The following LTF variants were observed in gnomAD, a reference collection of about 807,000 sequenced individuals.
LTF encodes lactotransferrin, also known as epididymis luminal protein 110.
Under a neutral mutation model 87.2 loss-of-function variants are expected in LTF, and 91 were observed. That is an observed-to-expected ratio of 1.04 (90% confidence interval 0.88 to 1.24). The LOEUF (loss-of-function observed/expected upper bound fraction) is 1.24. LTF is among the 50% of genes most tolerant of loss of function. The probability of loss-of-function intolerance (pLI) is 0.00; values close to 1 mark genes in which losing one functional copy is unlikely to be tolerated. For synonymous variants in LTF, 378 were observed against 356.1 expected, an observed-to-expected ratio of 1.06 and a Z score of -0.69; for missense variants, 901 against 904.3, an observed-to-expected ratio of 1.00 and a Z score of 0.05.
chr3:46,456,686 C>T (rs1346579996), intron 2 of LTF, among the ~76,000 whole-genome samples: 1 of 152,140 alleles, frequency 6.6e-6, no homozygotes, highest in Non-Finnish European at 1.5e-5. Flanking sequence ...TATTTGAAGT[C>T]GTTTGTTCTA....
intron 8 of LTF, among the ~76,000 whole-genome samples, chr3:46,449,285 C>T (rs1175493631): frequency 6.6e-6 from 1 of 152,196 alleles, no homozygotes; most frequent in South Asian, 2.1e-4. Context: ...AGTCAGGAGG[C>T]GCCTATTGTC....
intron 3 of LTF, 137 bp downstream of exon 3, chr3:46,456,153 A>G (rs930323754): frequency 4.3e-6 from 4 of 922,872 alleles, no homozygotes; most frequent in Non-Finnish European, 6.5e-6. Context: ...CATCTGGCCC[A>G]GAGCCCAGCG....
chr3:46,471,080 A>G (rs774792767), intron 1 of LTF, among the ~76,000 whole-genome samples: 21 of 152,116 alleles, frequency 1.4e-4, no homozygotes, highest in Non-Finnish European at 2.8e-4. Context: ...TCGCCATCCT[A>G]CTTGCAGACA....
At chr3:46,449,581 C>A (rs1702745631) in intron 8 of LTF, among the ~76,000 whole-genome samples, 1 of 152,208 alleles carries the variant, frequency 6.6e-6, no homozygotes, top group South Asian at 2.1e-4. Context: ...GGGGTCCTGG[C>A]TATCTTTGTT....
At chr3:46,481,487 T>G (rs1241542748) in intron 1 of LTF, among the ~76,000 whole-genome samples, 1 of 152,148 alleles carries the variant, frequency 6.6e-6, no homozygotes. Flanking sequence ...TACCCTTTAC[T>G]CTCCAGAGCC....
chr3:46,484,229 A>G (rs565772552), intron 1 of LTF, among the ~76,000 whole-genome samples: 2 of 152,364 alleles, frequency 1.3e-5, no homozygotes, highest in South Asian at 4.1e-4. Context: ...ATAGTGGCAT[A>G]GGTGTTTGAG....
chr3:46,482,898 AAAAG>A (rs1393274910), intron 1 of LTF, among the ~76,000 whole-genome samples: 3 of 152,158 alleles, frequency 2.0e-5, no homozygotes, highest in Admixed American at 6.5e-5. Context: ...AGAAGAAAGA[AAAAG>A]AAAGAAAGAA....
chr3:46,473,949 T>A (rs984912832), intron 1 of LTF, among the ~76,000 whole-genome samples: 1 of 152,204 alleles, frequency 6.6e-6, no homozygotes, highest in Non-Finnish European at 1.5e-5. Context: ...AACCACTACG[T>A]AACCTATACA....
At chr3:46,447,533 G>C (rs979346085) in intron 9 of LTF, 135 bp from the exon 10 acceptor site, 3 of 683,190 alleles carry the variant, frequency 4.4e-6, no homozygotes, top group Non-Finnish European at 7.9e-6. Context: ...TATTCAAACT[G>C]AGCAGCCAGA....
At chr3:46,464,986 C>A, upstream of LTF, 1 of 968,138 alleles carries the variant, frequency 1.0e-6, no homozygotes. Flanking sequence ...TCCCTCCCCA[C>A]TCCCCGCGGC....
chr3:46,464,709 C>CGCGGG, intron 1 of LTF, 116 bp downstream of exon 1: 1 of 1,145,916 alleles, frequency 8.7e-7, no homozygotes, highest in Non-Finnish European at 1.3e-6. Context: ...GCGCTGGGAC[C>CGCGGG]GCGGGGCGCA....
rs1024517457 is a variant in LTF, at chr3:46,450,103, T to C, written c.883-75A>G. 4.1e-6 allele frequency: 5 copies of C among 1,215,054 alleles called. No homozygotes were observed. The African/African-American group carries it at 7.6e-5, about 19-fold the overall frequency. 75.3% of individuals were successfully genotyped at this position (1,215,054 alleles called of 1,614,324 possible). ...ACAAAAAAATGATGTTAAAAAAGAG[T>C]ATCTGGAGCTTTGGGATCATTCTAA... is the stretch of plus-strand genomic sequence containing the variant. On this transcript the variant is annotated intron_variant, in intron 7 of 16. Transcript: ENST00000231751.
intron 2 of LTF, among the ~76,000 whole-genome samples, chr3:46,458,389 G>C (rs771879135): frequency 8.5e-5 from 13 of 152,178 alleles, no homozygotes; most frequent in Admixed American, 8.5e-4. Flanking sequence ...ATTTCAAACA[G>C]GGATCTTATT....
chr3:46,466,125 A>C (rs1013652671), upstream of LTF, among the ~76,000 whole-genome samples: 3 of 152,110 alleles, frequency 2.0e-5, no homozygotes, highest in African/African-American at 7.2e-5. Flanking sequence ...CTATGGTCCC[A>C]GCTACTTGGG....
chr3:46,450,754 A>G lies in LTF; in HGVS notation c.704-81T>C, dbSNP rs764589109. The G allele has an allele frequency of 3.4e-5, 43 of 1,252,296 alleles. No individual in the cohort carries two copies. In the African/African-American group the frequency reaches 5.5e-4, roughly 16 times the overall value. The allele number at this position is 1,252,296 out of a possible 1,614,324, so 77.6% of individuals were successfully genotyped here. A position where few individuals can be genotyped will look rare whatever the true frequency, so the allele number is the denominator to read the frequency against. On this transcript the variant is annotated intron_variant, in intron 6 of 16. Transcript: ENST00000231751. Reference sequence around the variant, plus strand: ...TCGAGCTATAGTTCCCCTTCTCCCTATAGAATTTTGAGCTTGGGGAGATAG... The same window carrying G: ...TCGAGCTATAGTTCCCCTTCTCCCTGTAGAATTTTGAGCTTGGGGAGATAG...
intron 9 of LTF, 25 bp downstream of exon 9, chr3:46,448,838 C>T (rs1198895511): frequency 1.9e-6 from 3 of 1,609,400 alleles, no homozygotes; most frequent in Non-Finnish European, 2.5e-6. Flanking sequence ...GGCCCACCGC[C>T]CGCCCCTGTG....
At position 46,446,594 on chromosome 3, in the gene LTF, C is replaced by T. The variant is rs1702660674; in HGVS notation, c.1304-101G>A. On this transcript the variant is annotated intron_variant, in intron 10 of 16. Transcript: ENST00000231751. ...TGATGCAGAATCAAATCCAAAGAGACCGTCCCAGCAGTTCCATGCAGGAGA... is the reference window on the plus strand; with the variant it reads ...TGATGCAGAATCAAATCCAAAGAGATCGTCCCAGCAGTTCCATGCAGGAGA... 3 of 998,682 alleles carry T rather than the reference C, an allele frequency of 3.0e-6. No individual in the cohort carries two copies. The Admixed American group carries it at 5.8e-5, about 19-fold the overall frequency. The allele number at this position is 998,682 out of a possible 1,614,324, so 61.9% of individuals were successfully genotyped here. A position where few individuals can be genotyped will look rare whatever the true frequency, so the allele number is the denominator to read the frequency against.
intron 15 of LTF, among the ~76,000 whole-genome samples, chr3:46,439,015 G>A (rs1215637502): frequency 1.3e-5 from 2 of 152,158 alleles, no homozygotes; most frequent in Non-Finnish European, 2.9e-5. Flanking sequence ...AACAGCAGGA[G>A]GGAAAAAGAC....
chr3:46,477,572 T>G (rs548200733), intron 1 of LTF, among the ~76,000 whole-genome samples: 1 of 152,218 alleles, frequency 6.6e-6, no homozygotes, highest in Non-Finnish European at 1.5e-5. Context: ...AGTGTCCCCA[T>G]GTGAAAATAG....
Sources: allele counts gnomAD v4.1 joint callset (sites outside exome capture counted in the v4.1 genomes callset), GRCh38; gene constraint gnomAD v4.1.1; transcripts MANE v1.5; gene names NCBI Gene and HGNC (gene_info 2026-07-23, HGNC 2026-07-21).